METTL15: variants seen among roughly 807,000 people sequenced by gnomAD.
The protein encoded by METTL15 is methyltransferase 15, mitochondrial 12S rRNA N4-cytidine, also known as 12S rRNA N(4)-cytidine methyltransferase METTL15.
METTL15 carries 34 observed loss-of-function variants against 38.3 expected under a neutral mutation model. That is an observed-to-expected ratio of 0.89 (90% CI 0.68 to 1.18). METTL15 has a LOEUF of 1.18. Ranked by LOEUF, METTL15 falls within the 50% of genes most tolerant of loss-of-function variation. The pLI, the probability that METTL15 is intolerant of heterozygous loss-of-function variation, is 0.00. For missense variants in METTL15, 438 were observed against 498.4 expected (o/e 0.88, Z 1.15); for synonymous variants, 162 against 170.9 (o/e 0.95, Z 0.41).
At chr11:28,176,977 A>G (rs990285356) in intron 3 of METTL15, among the ~76,000 whole-genome samples, 1 of 152,106 alleles carries the variant, frequency 6.6e-6, no homozygotes, top group African/African-American at 2.4e-5. Context: ...TTGAGAAGGC[A>G]TAAGTTGATA....
intron 3 of METTL15, among the ~76,000 whole-genome samples, chr11:28,123,646 A>G (rs1590759286): frequency 2.0e-5 from 3 of 152,014 alleles, no homozygotes; most frequent in Non-Finnish European, 4.4e-5. Context: ...CATTTTTTAT[A>G]GCTACTTATT....
At chr11:28,504,307 A>G (rs1249701450) in intron 6 of METTL15, among the ~76,000 whole-genome samples, 11 of 152,122 alleles carry the variant, frequency 7.2e-5, no homozygotes, top group South Asian at 2.1e-4. Context: ...TGAACATACT[A>G]CAACTTGAGC....
intron 6 of METTL15, among the ~76,000 whole-genome samples, chr11:28,505,865 C>T (rs1434461689): frequency 1.3e-5 from 2 of 152,078 alleles, no homozygotes; most frequent in Non-Finnish European, 2.9e-5. Context: ...TTAGTATGCT[C>T]CTAGGGTTTC....
intron 4 of METTL15, among the ~76,000 whole-genome samples, chr11:28,213,371 A>T (rs1187499166): frequency 6.6e-6 from 1 of 152,114 alleles, no homozygotes; most frequent in Non-Finnish European, 1.5e-5. Flanking sequence ...CCTGATTTCT[A>T]GAGACAAAAA....
At chr11:28,319,299 C>G (rs557030393) in intron 6 of METTL15, among the ~76,000 whole-genome samples, 1 of 152,270 alleles carries the variant, frequency 6.6e-6, no homozygotes, top group East Asian at 1.9e-4. Flanking sequence ...CTCATCTTGA[C>G]TTCCTTAAAT....
At chr11:28,351,410 C>T (rs897700826) in intron 3 of METTL15, among the ~76,000 whole-genome samples, 13 of 152,180 alleles carry the variant, frequency 8.5e-5, no homozygotes, top group African/African-American at 2.4e-4. Context: ...GCCACTGCAC[C>T]GGGCCCAAAG....
At chr11:28,164,229 G>C (rs1176924671) in intron 3 of METTL15, 2 of 151,930 alleles carry the variant, frequency 1.3e-5, no homozygotes, top group Non-Finnish European at 2.9e-5. Flanking sequence ...TGAACAAAAT[G>C]ATTACTTAAA....
intron 5 of METTL15, among the ~76,000 whole-genome samples, chr11:28,386,846 C>T (rs1170813057): frequency 6.6e-6 from 1 of 151,940 alleles, no homozygotes; most frequent in African/African-American, 2.4e-5. Context: ...CAAGATTGAA[C>T]TCATGCCAAA....
intron 6 of METTL15, among the ~76,000 whole-genome samples, chr11:28,431,970 A>T (rs537852942): frequency 9.2e-5 from 14 of 151,978 alleles, no homozygotes; most frequent in Admixed American, 7.2e-4. Context: ...AGGATTCTCA[A>T]CTCTCTCCCA....
At chr11:28,508,962 C>A (rs770033977) in intron 6 of METTL15, among the ~76,000 whole-genome samples, 6 of 152,222 alleles carry the variant, frequency 3.9e-5, no homozygotes, top group Non-Finnish European at 8.8e-5. Context: ...GACTGACCAA[C>A]GTAGTGCATA....
At position 28,211,131 on chromosome 11, in the gene METTL15, G is replaced by T; in HGVS notation, c.340G>T (p.Val114Phe). Reference sequence around the variant, plus strand: ...CATTCTGCAGAAGGAGTCAGATATTGTTCTCTATGCCTTGGACAGAGACCC... The same window carrying T: ...CATTCTGCAGAAGGAGTCAGATATTTTTCTCTATGCCTTGGACAGAGACCC... ...KAILQKESDI[V>F]LYALDRDPTA... is the part of the protein sequence containing the mutation. The change falls in exon 4 of 7, where the codon GTT becomes TTT. Residue 114 changes from valine (V) to phenylalanine (F), a missense_variant. Physicochemically the swap from Val to Phe is conservative, Grantham distance 50. Coordinates refer to ENST00000407364, the MANE Select transcript of METTL15 (RefSeq NM_001113528.2). 8 of 1,612,938 alleles carry T rather than the reference G, an allele frequency of 5.0e-6. No individual in the cohort carries two copies. The highest frequency in any genetic ancestry group is 6.8e-6 in the Non-Finnish European group (8 of 1,179,254).
chr11:28,427,770 C>T (rs772265613), intron 6 of METTL15, among the ~76,000 whole-genome samples: 17 of 152,178 alleles, frequency 1.1e-4, no homozygotes, highest in African/African-American at 4.1e-4. Context: ...TAGCGATTTT[C>T]GCACACTGAT....
At chr11:28,220,681 T>G (rs1336592620) in intron 4 of METTL15, among the ~76,000 whole-genome samples, 4 of 152,134 alleles carry the variant, frequency 2.6e-5, no homozygotes, top group Admixed American at 2.6e-4. Context: ...ATTTGGCATG[T>G]TTTTGCAGTG....
At chr11:28,524,374 G>A (rs1420187072) in intron 6 of METTL15, among the ~76,000 whole-genome samples, 2 of 152,192 alleles carry the variant, frequency 1.3e-5, no homozygotes, top group African/African-American at 2.4e-5. Context: ...CTATTAATGT[G>A]AAAGAGATTG....
In METTL15 at chr11:28,251,809, G is replaced by A. The variant is rs536064330; in HGVS notation, c.408-38397G>A. Among the ~76,000 whole-genome samples the A allele has an allele frequency of 1.5e-4, 23 of 152,040 alleles. No individual in the cohort carries two copies. In the South Asian group the frequency reaches 2.1e-3, roughly 14 times the overall value. ...AAAAAAATAAGTGCACTATTCTTCA[G>A]CCCATGGGGACCTCCCACCTCTAGT... On this transcript the variant is annotated intron_variant, in intron 4 of 6. Coordinates refer to ENST00000407364, the MANE Select transcript of METTL15 (RefSeq NM_001113528.2).
intron 6 of METTL15, among the ~76,000 whole-genome samples, chr11:28,470,129 A>G (rs1851290778): frequency 6.6e-6 from 1 of 152,178 alleles, no homozygotes; most frequent in Non-Finnish European, 1.5e-5. Context: ...AATAATGTTC[A>G]AGGGAAAAAC....
At chr11:28,130,286 G>C (rs556352055) in intron 3 of METTL15, among the ~76,000 whole-genome samples, 50 of 152,188 alleles carry the variant, frequency 3.3e-4, no homozygotes, top group Non-Finnish European at 3.4e-4. Flanking sequence ...ACTCCAGCCT[G>C]GGTGACAGAG....
At chr11:28,438,702 T>C (rs1851005940) in intron 6 of METTL15, among the ~76,000 whole-genome samples, 1 of 140,252 alleles carries the variant, frequency 7.1e-6, no homozygotes, top group Non-Finnish European at 1.5e-5. Context: ...GGAGACAGAG[T>C]CTCGCTCTGT....
At chr11:28,225,284 A>G (rs1853427662) in intron 4 of METTL15, among the ~76,000 whole-genome samples, 1 of 151,790 alleles carries the variant, frequency 6.6e-6, no homozygotes, top group East Asian at 1.9e-4. Context: ...TAGCCTTTTT[A>G]TAATATTTTC....
Sources: gnomAD v4.1 joint callset for allele counts (sites outside exome capture counted in the v4.1 genomes callset) on GRCh38, gnomAD v4.1.1 for gene constraint, MANE v1.5 for transcripts, NCBI Gene and HGNC (gene_info 2026-07-23, HGNC 2026-07-21) for gene names.